The following PCDHA10 variants were observed in gnomAD, a reference collection of about 807,000 sequenced individuals.
PCDHA10 encodes the protein protocadherin alpha-10.
In PCDHA10, 45 loss-of-function variants were observed where a neutral mutation model predicts 61.2. The observed-to-expected ratio is 0.74, with a 90% confidence interval of 0.58 to 0.94. PCDHA10 has a LOEUF of 0.94. PCDHA10 is among the 40% of genes least tolerant of loss of function. The pLI is 0.00. For synonymous variants in PCDHA10, 602 were observed against 548.8 expected, an observed-to-expected ratio of 1.10 and a Z score of -1.35; for missense variants, 1,278 against 1,236.2, an observed-to-expected ratio of 1.03 and a Z score of -0.51.
At chr5:140,936,007 C>G (rs1338541274) in intron 1 of PCDHA10, among the ~76,000 whole-genome samples, 3 of 151,820 alleles carry the variant, frequency 2.0e-5, no homozygotes, top group African/African-American at 7.3e-5. Flanking sequence ...ATTCTCCCAC[C>G]TCAGCCTCCC....
chr5:140,899,721 T>C (rs1415074846), intron 1 of PCDHA10, among the ~76,000 whole-genome samples: 1 of 152,250 alleles, frequency 6.6e-6, no homozygotes, highest in Non-Finnish European at 1.5e-5. Flanking sequence ...GATTCCCTCT[T>C]TTTCTATTGA....
intron 1 of PCDHA10, chr5:140,861,521 G>A: frequency 2.2e-6 from 1 of 460,574 alleles, no homozygotes; most frequent in Admixed American, 2.2e-5. Flanking sequence ...TGTGTGGGAG[G>A]ATCTCGGAGT....
At chr5:140,939,965 C>T (rs565275285) in intron 1 of PCDHA10, among the ~76,000 whole-genome samples, 1 of 152,100 alleles carries the variant, frequency 6.6e-6, no homozygotes, top group African/African-American at 2.4e-5. Context: ...TAAAGTGTTC[C>T]ACGATGAATA....
Position 140,858,095 on chromosome 5 carries a change from G to C in PCDHA10, c.2047G>C (p.Val683Leu). 1.3e-6 allele frequency: 2 copies of C among 1,597,916 alleles called. No individual in the cohort carries two copies. Among genetic ancestry groups the C allele is most frequent in the Non-Finnish European group, 1.7e-6 (2 of 1,167,748 alleles). ...ACCCAAGGCCTCGTCGCGGGCTTCA[G>C]TGGGCGTGGCGCCCGAGGTGGCCCT... ...QAPKASSRAS[V>L]GVAPEVALVD... Residue 683 changes from valine to leucine, a missense_variant, in exon 1 of 4, where the codon GTG becomes CTG. Coordinates refer to ENST00000307360, the MANE Select transcript of PCDHA10 (RefSeq NM_018901.4).
chr5:140,898,389 G>A (rs1402524208), intron 1 of PCDHA10, among the ~76,000 whole-genome samples: 3 of 152,190 alleles, frequency 2.0e-5, no homozygotes, highest in Non-Finnish European at 4.4e-5. Flanking sequence ...AAGGGATCCA[G>A]TTTCAGCTTT....
chr5:140,995,679 T>C (rs2153934903), intron 3 of PCDHA10, among the ~76,000 whole-genome samples: 1 of 152,322 alleles, frequency 6.6e-6, no homozygotes, highest in Non-Finnish European at 1.5e-5. Context: ...GCAGCATTTT[T>C]TTTAATTGTT....
intron 1 of PCDHA10, among the ~76,000 whole-genome samples, chr5:140,962,849 T>G (rs1434907172): frequency 6.6e-6 from 1 of 152,214 alleles, no homozygotes; most frequent in Non-Finnish European, 1.5e-5. Context: ...ATATAACTTG[T>G]GCTCGGTTTG....
chr5:140,971,509 A>C (rs1369392741), intron 1 of PCDHA10, among the ~76,000 whole-genome samples: 4 of 152,112 alleles, frequency 2.6e-5, no homozygotes, highest in Admixed American at 2.0e-4. Flanking sequence ...ATAGGAGCAA[A>C]AGCCACTCAG....
intron 1 of PCDHA10, among the ~76,000 whole-genome samples, chr5:140,945,853 A>G (rs782332952): frequency 6.6e-6 from 1 of 152,190 alleles, no homozygotes; most frequent in Non-Finnish European, 1.5e-5. Flanking sequence ...AAAGACTTAA[A>G]CATAGACCTG....
rs374520361 is a variant in PCDHA10, at chr5:140,870,742, A to C, written c.2388+12306A>C. 10 of 1,613,406 alleles carry C rather than the reference A, an allele frequency of 6.2e-6. No homozygotes were observed. In the African/African-American group the frequency reaches 1.1e-4, roughly 17 times the overall value. On this transcript the variant is annotated intron_variant, in intron 1 of 3. Transcript: ENST00000307360. ...TGCGGGCGTGCCGCCTCTGAGCAGC[A>C]ACGTGACGCTGCAGGTGTTCGTGCT...
At chr5:140,881,388 G>A (rs2058697659) in intron 1 of PCDHA10, 1 of 983,292 alleles carries the variant, frequency 1.0e-6, no homozygotes, top group Non-Finnish European at 1.2e-6. Context: ...GCGGCGGTAA[G>A]TTAAATTCTA....
intron 3 of PCDHA10, among the ~76,000 whole-genome samples, chr5:140,984,059 C>A (rs1269975627): frequency 6.6e-6 from 1 of 152,108 alleles, no homozygotes; most frequent in East Asian, 1.9e-4. Flanking sequence ...CAAATCTGTA[C>A]CCTCAGTGCC....
intron 1 of PCDHA10, among the ~76,000 whole-genome samples, chr5:140,974,029 A>G (rs2096612369): frequency 6.6e-6 from 1 of 152,238 alleles, no homozygotes; most frequent in Admixed American, 6.5e-5. Flanking sequence ...ACAACTATAA[A>G]TTTAGCTTAT....
chr5:140,900,634 A>G (rs918199903), intron 1 of PCDHA10, among the ~76,000 whole-genome samples: 7 of 152,152 alleles, frequency 4.6e-5, no homozygotes, highest in Non-Finnish European at 1.0e-4. Flanking sequence ...AATCTTGGCT[A>G]TTGTGAACAC....
At chr5:140,881,358 T>A in intron 1 of PCDHA10, 1 of 985,286 alleles carries the variant, frequency 1.0e-6, no homozygotes, top group Non-Finnish European at 1.2e-6. Flanking sequence ...AATGCGTGGC[T>A]TTCGTATGAA....
rs201090787 is a variant in PCDHA10, at chr5:140,876,840, G to A, written c.2388+18404G>A. On this transcript the variant is annotated intron_variant, in intron 1 of 3. Coordinates refer to ENST00000307360, the MANE Select transcript of PCDHA10 (RefSeq NM_018901.4). Reference sequence around the variant, plus strand: ...TGAACGACAATGCGCCTGCGTTCGCGCAGCCCGAGTACACAGTGTTCGTGA... The same window carrying A: ...TGAACGACAATGCGCCTGCGTTCGCACAGCCCGAGTACACAGTGTTCGTGA... 2.5e-6 allele frequency: 4 copies of A among 1,614,166 alleles called. No homozygotes were observed. In the East Asian group the frequency reaches 6.7e-5, roughly 27 times the overall value.
rs1554150300 is a variant in PCDHA10, at chr5:140,857,594, G to T, written c.1546G>T (p.Val516Leu). 1 of 1,596,514 alleles carries T rather than the reference G, an allele frequency of 6.3e-7. No homozygotes were observed. The highest frequency in any genetic ancestry group is 1.7e-5 in the Admixed American group (1 of 59,320). ...GTCGGTGCACGCGGAGAGCGGCAAGGTGTACGCGCTGCAGCCGCTGGACCA... is the reference window on the plus strand; with the variant it reads ...GTCGGTGCACGCGGAGAGCGGCAAGTTGTACGCGCTGCAGCCGCTGGACCA... ...YVSVHAESGK[V>L]YALQPLDHEE... The change falls in exon 1 of 4, where the codon GTG (valine) becomes TTG (leucine). Residue 516 changes from valine (V) to leucine (L), a missense_variant. Physicochemically the swap from Val to Leu is conservative, Grantham distance 32. Coordinates refer to ENST00000307360, the MANE Select transcript of PCDHA10 (RefSeq NM_018901.4).
At position 140,857,279 on chromosome 5, in the gene PCDHA10, G is replaced by A. The variant is rs782434219; in HGVS notation, c.1231G>A (p.Ala411Thr). 6 of 1,598,610 alleles carry A rather than the reference G, an allele frequency of 3.8e-6. No homozygotes were observed. Among genetic ancestry groups the A allele is most frequent in the Admixed American group, 1.7e-5 (1 of 59,324 alleles). Reference sequence around the variant, plus strand: ...TTACTACTCATTGGTGCTGGACAGCGCTCTGGACCGCGAGAGGGTGTCGGC... The same window carrying A: ...TTACTACTCATTGGTGCTGGACAGCACTCTGGACCGCGAGAGGGTGTCGGC... ...KNYYSLVLDS[A>T]LDRERVSAYE... is the part of the protein sequence containing the mutation. The change falls in exon 1 of 4, where the codon GCT (alanine) becomes ACT (threonine). Residue 411 changes from alanine (A) to threonine (T), a missense_variant. Coordinates refer to ENST00000307360, the MANE Select transcript of PCDHA10 (RefSeq NM_018901.4).
intron 1 of PCDHA10, among the ~76,000 whole-genome samples, chr5:140,912,495 GC>G (rs2075942069): frequency 6.6e-6 from 1 of 152,084 alleles, no homozygotes. Context: ...AGATCTAGGA[GC>G]TTTTTGGATG....
Sources: gnomAD v4.1 joint callset for allele counts (sites outside exome capture counted in the v4.1 genomes callset) on GRCh38, gnomAD v4.1.1 for gene constraint, MANE v1.5 for transcripts, NCBI Gene and HGNC (gene_info 2026-07-23, HGNC 2026-07-21) for gene names.